RAB1A: variants seen among roughly 807,000 people sequenced by gnomAD.
The protein encoded by RAB1A is ras-related protein Rab-1A.
RAB1A carries 2 observed loss-of-function variants against 26.0 expected under a neutral mutation model. That is an observed-to-expected ratio of 0.08 (90% CI 0.03 to 0.24). The LOEUF (loss-of-function observed/expected upper bound fraction) is 0.24, where lower values mean the gene tolerates loss of function less well. RAB1A is among the 10% of genes least tolerant of loss of function. The pLI is 1.00. For missense variants in RAB1A, 100 were observed against 247.0 expected (o/e 0.40, Z 3.99); for synonymous variants, 84 against 84.9 (o/e 0.99, Z 0.06).
intron 3 of RAB1A, among the ~76,000 whole-genome samples, chr2:65,095,849 GA>G (rs921378225): frequency 1.3e-5 from 2 of 151,248 alleles, no homozygotes; most frequent in African/African-American, 4.9e-5. Flanking sequence ...CCATCTCTAC[GA>G]AAAATACAAA....
At chr2:65,119,115 G>A (rs1669891126) in intron 1 of RAB1A, among the ~76,000 whole-genome samples, 1 of 151,710 alleles carries the variant, frequency 6.6e-6, no homozygotes, top group African/African-American at 2.4e-5. Flanking sequence ...TGAGATGGGA[G>A]GATCACCAGA....
intron 4 of RAB1A, among the ~76,000 whole-genome samples, chr2:65,090,579 G>A (rs144597441): frequency 5.3e-5 from 8 of 152,056 alleles, no homozygotes; most frequent in South Asian, 2.1e-4. Flanking sequence ...AGAGACCCCC[G>A]AATCCCACTT....
intron 1 of RAB1A, among the ~76,000 whole-genome samples, chr2:65,120,574 T>C (rs546222591): frequency 1.3e-4 from 20 of 152,300 alleles, no homozygotes; most frequent in African/African-American, 4.6e-4. Context: ...AACATTCTCT[T>C]TTCTGTTTTC....
intron 4 of RAB1A, 100 bp from the exon 5 acceptor site, chr2:65,089,170 T>A (rs1669108675): frequency 8.7e-7 from 1 of 1,146,414 alleles, no homozygotes; most frequent in Non-Finnish European, 1.2e-6. Flanking sequence ...AACAAAGAGC[T>A]AGTGAGACAA....
intron 1 of RAB1A, among the ~76,000 whole-genome samples, chr2:65,105,610 G>C (rs1267500268): frequency 6.7e-6 from 1 of 149,642 alleles, no homozygotes; most frequent in African/African-American, 2.5e-5. Context: ...CTAGCATCCA[G>C]CTTGAATTCT....
At chr2:65,114,777 G>A (rs1050955395) in intron 1 of RAB1A, among the ~76,000 whole-genome samples, 10 of 151,972 alleles carry the variant, frequency 6.6e-5, no homozygotes, top group Admixed American at 1.3e-4. Context: ...CCCGGGAGGC[G>A]GAGCTTGCAG....
intron 1 of RAB1A, among the ~76,000 whole-genome samples, chr2:65,116,602 C>A (rs2103870661): frequency 6.6e-6 from 1 of 152,318 alleles, no homozygotes; most frequent in Non-Finnish European, 1.5e-5. Context: ...ATTGTTATTT[C>A]TCCTTCCTCC....
chr2:65,100,910 C>G (rs1463220109), intron 2 of RAB1A, among the ~76,000 whole-genome samples: 1 of 152,024 alleles, frequency 6.6e-6, no homozygotes. Context: ...CTTTGGGGAG[C>G]AGAGGTGCAC....
At chr2:65,095,980 T>C (rs908035195) in intron 3 of RAB1A, among the ~76,000 whole-genome samples, 5 of 151,882 alleles carry the variant, frequency 3.3e-5, no homozygotes, top group African/African-American at 4.8e-5. Flanking sequence ...GGTGAAACTC[T>C]GTCTCTACTA....
chr2:65,088,728 C>A (rs753042441), intron 5 of RAB1A, 38 bp from the exon 6 acceptor site: 29 of 1,510,826 alleles, frequency 1.9e-5, no homozygotes, highest in Non-Finnish European at 2.5e-5. Context: ...ACTGAAAAAT[C>A]TTTTTCACTA....
intron 2 of RAB1A, among the ~76,000 whole-genome samples, chr2:65,101,042 A>T (rs1669412486): frequency 6.6e-6 from 1 of 151,840 alleles, no homozygotes; most frequent in Non-Finnish European, 1.5e-5. Context: ...GCTACTCGGG[A>T]GGCTGAGGCA....
chr2:65,128,319 T>G (rs1051151754), intron 1 of RAB1A, among the ~76,000 whole-genome samples: 1 of 152,062 alleles, frequency 6.6e-6, no homozygotes, highest in Non-Finnish European at 1.5e-5. Context: ...ATTCAGAAAA[T>G]TTCCTGAACA....
chr2:65,115,712 T>TA lies in RAB1A; in HGVS notation c.24-10907dup, dbSNP rs567352919. Among the ~76,000 whole-genome samples the TA allele has an allele frequency of 1.6e-3, 237 of 151,264 alleles. 2 individuals are homozygous for TA. The highest frequency in any genetic ancestry group is 5.2e-3 in the African/African-American group (216 of 41,298). ...AAATTTAAAGAAATAGTCAAGCAAT[T>TA]AAAAAAAAATGCTTCCATTCAGATG... is the stretch of plus-strand genomic sequence containing the variant. On this transcript the variant is annotated intron_variant, in intron 1 of 5. Transcript: ENST00000409784.
chr2:65,092,347 C>G (rs755076389), intron 3 of RAB1A, among the ~76,000 whole-genome samples: 45 of 152,020 alleles, frequency 3.0e-4, no homozygotes, highest in Non-Finnish European at 6.2e-4. Flanking sequence ...ATCAAGCTAC[C>G]CTGACTTCAA....
At chr2:65,094,189 T>C (rs1669233339) in intron 3 of RAB1A, among the ~76,000 whole-genome samples, 1 of 151,912 alleles carries the variant, frequency 6.6e-6, no homozygotes, top group Admixed American at 6.6e-5. Flanking sequence ...ATACTGGTCT[T>C]GAACTCCTGA....
At chr2:65,129,146 T>G (rs1411367396) in intron 1 of RAB1A, among the ~76,000 whole-genome samples, 1 of 146,072 alleles carries the variant, frequency 6.8e-6, no homozygotes, top group African/African-American at 2.7e-5. Flanking sequence ...TGGCTTTAGT[T>G]TTTTTTTTTT....
Position 65,097,963 on chromosome 2 carries a change from T to C in RAB1A, c.192+8A>G, listed in dbSNP as rs1026553469. The C allele has an allele frequency of 2.0e-5, 30 of 1,483,058 alleles. No homozygotes were observed. The highest frequency in any genetic ancestry group is 1.8e-4 in the Middle Eastern group (1 of 5,432). 91.9% of individuals were successfully genotyped at this position (1,483,058 alleles called of 1,614,324 possible). A position where few individuals can be genotyped will look rare whatever the true frequency, so the allele number is the denominator to read the frequency against. On this transcript the variant is annotated splice_region_variant and intron_variant, in intron 3 of 5. Transcript: ENST00000409784. ...AATTTCAAAAAAATTACTAGCCAAG[T>C]CACTTACTATTTGAAGCTTGATTGT...
chr2:65,122,154 TCAA>T (rs1323969125), intron 1 of RAB1A, among the ~76,000 whole-genome samples: 6 of 115,796 alleles, frequency 5.2e-5, no homozygotes, highest in African/African-American at 1.9e-4. Context: ...AGACTCTATC[TCAA>T]AAAAAAAAAA....
chr2:65,120,223 C>T (rs927639042), intron 1 of RAB1A, among the ~76,000 whole-genome samples: 2 of 151,736 alleles, frequency 1.3e-5, no homozygotes, highest in Admixed American at 1.3e-4. Flanking sequence ...TTTGGGAGGC[C>T]GAGGCGGGAG....
Sources: gnomAD v4.1 joint callset for allele counts (sites outside exome capture counted in the v4.1 genomes callset) on GRCh38, gnomAD v4.1.1 for gene constraint, MANE v1.5 for transcripts, NCBI Gene and HGNC (gene_info 2026-07-23, HGNC 2026-07-21) for gene names.